PKP2: variants seen among roughly 807,000 people sequenced by gnomAD.
PKP2 encodes the protein plakophilin-2.
Under a neutral mutation model 83.4 loss-of-function variants are expected in PKP2, and 73 were observed. That is an observed-to-expected ratio of 0.88 (90% CI 0.72 to 1.06). PKP2 has a LOEUF of 1.06. Ranked by LOEUF, PKP2 falls within the 50% of genes least tolerant of loss-of-function variation. PKP2 has a pLI of 0.00. For missense variants in PKP2, 966 were observed against 1,065.4 expected (o/e 0.91, Z 1.30); for synonymous variants, 409 against 430.4 (o/e 0.95, Z 0.62).
At chr12:32,895,084 A>G (rs1425659180) in intron 1 of PKP2, among the ~76,000 whole-genome samples, 1 of 152,204 alleles carries the variant, frequency 6.6e-6, no homozygotes, top group Non-Finnish European at 1.5e-5. Flanking sequence ...GAGTTTAAAT[A>G]CCAGCTCTGC....
At chr12:32,827,390 A>C (rs1263143001) in intron 6 of PKP2, among the ~76,000 whole-genome samples, 1 of 152,246 alleles carries the variant, frequency 6.6e-6, no homozygotes, top group Non-Finnish European at 1.5e-5. Flanking sequence ...AGAAATATGA[A>C]TGATAAGGGT....
intron 6 of PKP2, among the ~76,000 whole-genome samples, chr12:32,830,675 G>A (rs1956491224): frequency 6.6e-6 from 1 of 152,136 alleles, no homozygotes; most frequent in Non-Finnish European, 1.5e-5. Flanking sequence ...GGGAGACCGA[G>A]GTGGGCAGAT....
At chr12:32,858,853 C>G (rs762296709) in intron 4 of PKP2, among the ~76,000 whole-genome samples, 5 of 152,162 alleles carry the variant, frequency 3.3e-5, no homozygotes, top group Non-Finnish European at 7.3e-5. Context: ...CCAAAAGGTG[C>G]TCAACTTCAT....
In PKP2 at chr12:32,793,067, C is replaced by T. The variant is rs886150846; in HGVS notation, c.2358-336G>A. 5.3e-5 allele frequency among the ~76,000 whole-genome samples: 8 copies of T among 152,134 alleles called. No homozygotes were observed. The East Asian group carries it at 1.5e-3, about 29-fold the overall frequency. On this transcript the variant is annotated intron_variant, in intron 11 of 12. Transcript: ENST00000340811. ...ACCATCCTGGCCAACATGGTGAAACCCCGTCTGTACTAAAAATACAAAATC... is the reference window on the plus strand; with the variant it reads ...ACCATCCTGGCCAACATGGTGAAACTCCGTCTGTACTAAAAATACAAAATC...
chr12:32,847,662 G>C (rs916663990), intron 5 of PKP2, among the ~76,000 whole-genome samples: 5 of 152,130 alleles, frequency 3.3e-5, no homozygotes, highest in African/African-American at 4.8e-5. Flanking sequence ...CTGCCTCTTT[G>C]CCTTGCTAGT....
In PKP2 at chr12:32,822,507, C is replaced by T; in HGVS notation, c.1799G>A (p.Ser600Asn). The T allele has an allele frequency of 6.2e-7, 1 of 1,614,120 alleles. No individual in the cohort carries two copies. The highest frequency in any genetic ancestry group is 1.6e-4 in the Middle Eastern group (1 of 6,062). ...NRNIQTDNNK[S>N]IGCFGSRSRK... is the part of the protein sequence containing the mutation. ...GCTTCGACTGCCAAAACATCCAATA[C>T]TTTTGTTGTTGTCAGTCTGGATATT... Residue 600 changes from serine to asparagine, a missense_variant, in exon 8 of 13, where the codon AGT (serine) becomes AAT (asparagine). Physicochemically the swap from Ser to Asn is conservative, Grantham distance 46. Coordinates refer to ENST00000340811, the MANE Select transcript of PKP2 (RefSeq NM_001005242.3).
chr12:32,896,456 G>T, intron 1 of PKP2, 53 bp downstream of exon 1: 1 of 1,331,246 alleles, frequency 7.5e-7, no homozygotes. Context: ...ATAGGAGGAG[G>T]TGACCGGGTG....
chr12:32,862,904 C>G (rs1322068317), intron 4 of PKP2, among the ~76,000 whole-genome samples: 1 of 152,006 alleles, frequency 6.6e-6, no homozygotes, highest in East Asian at 1.9e-4. Context: ...GAGGTTGAGT[C>G]AGGAGAATTG....
chr12:32,889,170 G>C (rs1957056601), intron 1 of PKP2, among the ~76,000 whole-genome samples: 1 of 152,178 alleles, frequency 6.6e-6, no homozygotes, highest in African/African-American at 2.4e-5. Context: ...GGGAGACAAG[G>C]AGGGGTAGAA....
At chr12:32,848,812 A>T (rs1261500371) in intron 5 of PKP2, among the ~76,000 whole-genome samples, 3 of 152,194 alleles carry the variant, frequency 2.0e-5, no homozygotes, top group Non-Finnish European at 4.4e-5. Flanking sequence ...TGAATTTTTT[A>T]AAATGTGATA....
intron 4 of PKP2, among the ~76,000 whole-genome samples, chr12:32,867,628 G>T (rs532378213): frequency 1.3e-5 from 2 of 152,122 alleles, no homozygotes; most frequent in Non-Finnish European, 2.9e-5. Flanking sequence ...CCAAGATACG[G>T]TATAAAAAAA....
chr12:32,826,897 G>A (rs1409322894), intron 6 of PKP2, among the ~76,000 whole-genome samples: 1 of 152,182 alleles, frequency 6.6e-6, no homozygotes, highest in Non-Finnish European at 1.5e-5. Context: ...AAAGAGGGCT[G>A]TTCTTTATTC....
intron 5 of PKP2, among the ~76,000 whole-genome samples, chr12:32,844,839 T>C (rs1956631642): frequency 6.6e-6 from 1 of 152,116 alleles, no homozygotes. Context: ...CAGGATGGAG[T>C]TCAGGAACTT....
chr12:32,832,774 G>C (rs976666380), intron 6 of PKP2, among the ~76,000 whole-genome samples: 2 of 152,166 alleles, frequency 1.3e-5, no homozygotes, highest in Non-Finnish European at 2.9e-5. Flanking sequence ...TCAATAGTAA[G>C]TTCTGGCCTC....
chr12:32,888,794 CTT>C (rs35583236), intron 1 of PKP2, among the ~76,000 whole-genome samples: 38 of 136,910 alleles, frequency 2.8e-4, no homozygotes, highest in Admixed American at 3.7e-4. Context: ...CGCCCGGCCT[CTT>C]TTTTTTTTTT....
intron 9 of PKP2, among the ~76,000 whole-genome samples, chr12:32,819,283 AAATACAATACAATAC>A (rs139908317): frequency 1.8e-3 from 66 of 36,500 alleles, no homozygotes; most frequent in East Asian, 0.015. Context: ...GCCTCAAAAT[AAATACAATACAATAC>A]AATACAATAC....
chr12:32,879,814 A>G (rs1230156094), intron 1 of PKP2, among the ~76,000 whole-genome samples: 13 of 151,254 alleles, frequency 8.6e-5, no homozygotes, highest in Admixed American at 2.6e-4. Flanking sequence ...CTGAGCAACA[A>G]GAGTGAAACT....
intron 3 of PKP2, among the ~76,000 whole-genome samples, chr12:32,869,364 C>G (rs1337091765): frequency 1.3e-5 from 2 of 152,010 alleles, no homozygotes; most frequent in Non-Finnish European, 2.9e-5. Context: ...GTGGGCGGAT[C>G]ACTTGAGGTC....
chr12:32,798,297 T>C (rs1956149536), intron 10 of PKP2, among the ~76,000 whole-genome samples: 1 of 151,920 alleles, frequency 6.6e-6, no homozygotes, highest in Non-Finnish European at 1.5e-5. Context: ...TTTCTCCATG[T>C]TGAGGCTGGT....
Sources: gnomAD v4.1 joint callset for allele counts (sites outside exome capture counted in the v4.1 genomes callset) on GRCh38, gnomAD v4.1.1 for gene constraint, MANE v1.5 for transcripts, NCBI Gene and HGNC (gene_info 2026-07-23, HGNC 2026-07-21) for gene names.